The following NCAPD2 variants were observed in gnomAD, a reference collection of about 807,000 sequenced individuals.
The protein encoded by NCAPD2 is condensin complex subunit 1.
In NCAPD2, 100 loss-of-function variants were observed where a neutral mutation model predicts 164.5. The observed-to-expected ratio is 0.61, with a 90% CI of 0.52 to 0.72. NCAPD2 has a LOEUF of 0.72. Ranked by LOEUF, NCAPD2 falls within the 30% of genes least tolerant of loss-of-function variation. The pLI is 0.00. For missense variants in NCAPD2, 1,560 were observed against 1,749.2 expected (o/e 0.89, Z 1.93); for synonymous variants, 585 against 642.6 (o/e 0.91, Z 1.36).
At chr12:6,509,375 C>A (rs1946125127) in intron 2 of NCAPD2, among the ~76,000 whole-genome samples, 1 of 152,074 alleles carries the variant, frequency 6.6e-6, no homozygotes, top group Non-Finnish European at 1.5e-5. Context: ...AATTCTCCTG[C>A]CTCAGCCTCC....
chr12:6,530,017 C>A, intron 29 of NCAPD2, 59 bp downstream of exon 29: 1 of 1,535,212 alleles, frequency 6.5e-7, no homozygotes, highest in South Asian at 1.2e-5. Context: ...AGACATCTGC[C>A]GGCCCTGGGC....
In NCAPD2 at chr12:6,528,982, GC is replaced by G. The variant is rs1946345906; in HGVS notation, c.3517del (p.Arg1173AlafsTer18). On this transcript the variant is annotated frameshift_variant, in exon 27 of 32. Coordinates refer to ENST00000315579, the MANE Select transcript of NCAPD2 (RefSeq NM_014865.4). LOFTEE classifies it high-confidence loss of function. This position sits in a 1 kb window ranked among gnomAD's most constrained non-coding sequence, Gnocchi z 5.1. ...AIYNLLPDII[S>X]RLSDPELGVE... The stretch of plus-strand genomic sequence containing the variant: ...TATAATCTCCTTCCAGATATCATCA[GC>G]CGCCTGTCAGACCCCGAGCTGGGGG... 6.2e-7 allele frequency: 1 copy of G among 1,613,830 alleles called. No homozygotes were observed. The highest frequency in any genetic ancestry group is 2.2e-5 in the East Asian group (1 of 44,884).
At chr12:6,514,417 G>A (rs769647898) in intron 7 of NCAPD2, 25 bp downstream of exon 7, 9 of 1,614,076 alleles carry the variant, frequency 5.6e-6, no homozygotes, top group South Asian at 3.3e-5. Context: ...GCTTTGCCCC[G>A]CCTTTTTTGT....
chr12:6,522,880 C>G lies in NCAPD2; in HGVS notation c.2007C>G (p.Pro669=), dbSNP rs772803362. Residue 669 remains proline (P), a synonymous_variant, in exon 16 of 32, where the codon CCC becomes CCG. Coordinates refer to ENST00000315579, the MANE Select transcript of NCAPD2 (RefSeq NM_014865.4). ...TGATGGTCTTCCAATTTGGGGTACC[C>G]CAGGCCCTGTTTGGGGTGCGCCGTA... ...FFVMVFQFGV[P]QALFGVRRML... 1.4e-5 allele frequency: 23 copies of G among 1,614,080 alleles called. No individual in the cohort carries two copies. The highest frequency in any genetic ancestry group is 1.9e-5 in the Non-Finnish European group (23 of 1,180,022).
rs762311783 is a variant in NCAPD2 at position 6,529,485 on chromosome 12, C to T, written c.3573-28C>T. On this transcript the variant is annotated intron_variant, in intron 27 of 31. Coordinates refer to ENST00000315579, the MANE Select transcript of NCAPD2 (RefSeq NM_014865.4). Reference sequence around the variant, plus strand: ...GATGGCAGAGCTGGCCCTGGGCCATCGAACATCCTCATCTCCCCTTCCTGC... The same window carrying T: ...GATGGCAGAGCTGGCCCTGGGCCATTGAACATCCTCATCTCCCCTTCCTGC... The T allele has an allele frequency of 5.6e-6, 9 of 1,603,882 alleles. No individual in the cohort carries two copies. The East Asian group carries it at 1.1e-4, about 20-fold the overall frequency.
chr12:6,515,559 A>G (rs1368785729), intron 9 of NCAPD2, among the ~76,000 whole-genome samples: 6 of 152,114 alleles, frequency 3.9e-5, no homozygotes, highest in African/African-American at 1.4e-4. Flanking sequence ...GCTTCCTCAA[A>G]CAATGAACTT....
intron 13 of NCAPD2, 150 bp downstream of exon 13, chr12:6,518,109 C>T: frequency 1.5e-6 from 1 of 685,296 alleles, no homozygotes; most frequent in Non-Finnish European, 2.4e-6. Context: ...ATGGTCTGAC[C>T]ATAGGCCTAG....
intron 17 of NCAPD2, among the ~76,000 whole-genome samples, chr12:6,525,207 G>A (rs959973672): frequency 6.6e-6 from 1 of 152,224 alleles, no homozygotes; most frequent in South Asian, 2.1e-4. Flanking sequence ...ATTACTGATA[G>A]AGTGTTGATA....
At chr12:6,529,126 T>G in intron 27 of NCAPD2, 87 bp downstream of exon 27, 1 of 1,242,668 alleles carries the variant, frequency 8.0e-7, no homozygotes, top group Middle Eastern at 2.7e-4. Flanking sequence ...CCACCTCGGC[T>G]ACTCTTTAGC....
chr12:6,499,967 A>G (rs1201510703), intron 2 of NCAPD2, among the ~76,000 whole-genome samples: 1 of 152,092 alleles, frequency 6.6e-6, no homozygotes, highest in Non-Finnish European at 1.5e-5. Context: ...CCAAAATTAC[A>G]AAAAAGTTAG....
intron 14 of NCAPD2, 148 bp from the exon 15 acceptor site, chr12:6,521,650 C>T (rs1375295029): frequency 9.9e-7 from 1 of 1,010,994 alleles, no homozygotes. Flanking sequence ...ATCATTGCCA[C>T]TGCACAGCCT....
At chr12:6,514,668 G>A (rs1400755614) in intron 8 of NCAPD2, 81 bp downstream of exon 8, 3 of 1,608,668 alleles carry the variant, frequency 1.9e-6, no homozygotes, top group East Asian at 4.5e-5. Context: ...CATTATCTGT[G>A]CAACAGTAGA....
rs533717697 is a variant in NCAPD2, at chr12:6,512,303, A to T, written c.587+1051A>T. On this transcript the variant is annotated intron_variant, in intron 6 of 31. Coordinates refer to ENST00000315579, the MANE Select transcript of NCAPD2 (RefSeq NM_014865.4). Reference sequence around the variant, plus strand: ...AAAAAAAAAAAAAAAAGATAGATAGATAGATAGACAGACAGACAAACAGAC... The same window carrying T: ...AAAAAAAAAAAAAAAAGATAGATAGTTAGATAGACAGACAGACAAACAGAC... Among the ~76,000 whole-genome samples the T allele has an allele frequency of 9.0e-4, 135 of 150,568 alleles. 1 individual carries two copies. Among genetic ancestry groups the T allele is most frequent in the African/African-American group, 3.2e-3 (130 of 40,448 alleles).
intron 15 of NCAPD2, 142 bp from the exon 16 acceptor site, chr12:6,522,686 G>T: frequency 1.2e-6 from 1 of 851,792 alleles, no homozygotes; most frequent in Non-Finnish European, 1.9e-6. Context: ...TTCATGATAA[G>T]GCATCATAGG....
intron 29 of NCAPD2, among the ~76,000 whole-genome samples, chr12:6,530,330 T>C (rs533165270): frequency 6.6e-6 from 1 of 152,226 alleles, no homozygotes; most frequent in Non-Finnish European, 1.5e-5. Flanking sequence ...GGTGGCACAT[T>C]TGTTACAGCT....
At chr12:6,498,292 C>G (rs1232863049) in intron 2 of NCAPD2, among the ~76,000 whole-genome samples, 1 of 152,148 alleles carries the variant, frequency 6.6e-6, no homozygotes, top group Non-Finnish European at 1.5e-5. Context: ...TAAATAAGAT[C>G]AAATCATTTA....
chr12:6,525,748 G>A (rs1394311991), intron 18 of NCAPD2, 32 bp downstream of exon 18: 1 of 1,607,012 alleles, frequency 6.2e-7, no homozygotes, highest in South Asian at 1.1e-5. Context: ...CAATGGGGTG[G>A]GAGAGCAAAG....
rs61759526 is a variant in NCAPD2, at chr12:6,510,151, G to A, written c.262+18G>A. On this transcript the variant is annotated intron_variant, in intron 4 of 31. Transcript: ENST00000315579. ...GATAAAAGGTGTTTATGGGTCAGGGGGTAGGGGATGGAAGGTGTTTGTTAT... is the reference window on the plus strand; with the variant it reads ...GATAAAAGGTGTTTATGGGTCAGGGAGTAGGGGATGGAAGGTGTTTGTTAT... 8.3e-3 allele frequency: 13,141 copies of A among 1,591,876 alleles called. 76 individuals are homozygous for A. Among genetic ancestry groups the A allele is most frequent in the African/African-American group, 0.013 (961 of 74,296 alleles).
Position 6,517,586 on chromosome 12 carries a change from T to C in NCAPD2, c.1321-10T>C, listed in dbSNP as rs1592172541. ...CATTTACTGACCCTGCTATTCATTT[T>C]ACCTGATAGCTTAGTGATGCTGACC... On this transcript the variant is annotated splice_polypyrimidine_tract_variant and intron_variant, in intron 11 of 31. Coordinates refer to ENST00000315579, the MANE Select transcript of NCAPD2 (RefSeq NM_014865.4). The C allele has an allele frequency of 6.2e-7, 1 of 1,614,232 alleles. No individual in the cohort carries two copies. Among genetic ancestry groups the C allele is most frequent in the Non-Finnish European group, 8.5e-7 (1 of 1,180,036 alleles).
Sources: allele counts gnomAD v4.1 joint callset (sites outside exome capture counted in the v4.1 genomes callset), GRCh38; gene constraint gnomAD v4.1.1; non-coding constraint Gnocchi (gnomAD v3.1); transcripts MANE v1.5; gene names NCBI Gene and HGNC (gene_info 2026-07-23, HGNC 2026-07-21).